The following KANSL1L variants were observed in gnomAD, a reference collection of about 807,000 sequenced individuals.
The protein encoded by KANSL1L is KAT8 regulatory NSL complex subunit 1-like protein.
Under a neutral mutation model 108.6 loss-of-function variants are expected in KANSL1L, and 25 were observed. The ratio of observed to expected loss-of-function variants is 0.23; its 90% CI spans 0.17 to 0.32. KANSL1L has a LOEUF of 0.32. Ranked by LOEUF, KANSL1L falls within the 10% of genes least tolerant of loss-of-function variation. KANSL1L has a pLI of 1.00. For synonymous variants in KANSL1L, 405 were observed against 395.1 expected, an observed-to-expected ratio of 1.03 and a Z score of -0.30; for missense variants, 1,137 against 1,125.7, an observed-to-expected ratio of 1.01 and a Z score of -0.14.
intron 1 of KANSL1L, among the ~76,000 whole-genome samples, chr2:210,164,223 T>C (rs1428482348): frequency 1.3e-5 from 2 of 152,208 alleles, no homozygotes; most frequent in African/African-American, 2.4e-5. Context: ...CCAAGTCTTG[T>C]AACCAGGGAT....
chr2:210,028,747 G>A (rs995154010), intron 11 of KANSL1L, 98 bp downstream of exon 11: 13 of 896,368 alleles, frequency 1.5e-5, no homozygotes, highest in Non-Finnish European at 1.7e-5. Flanking sequence ...GGAACTGGGA[G>A]AAGGATGCTC....
intron 8 of KANSL1L, among the ~76,000 whole-genome samples, chr2:210,039,794 A>T (rs921771705): frequency 1.3e-4 from 19 of 151,856 alleles, no homozygotes; most frequent in African/African-American, 4.6e-4. Context: ...GAGTATGTAA[A>T]AGAATTTTAC....
chr2:210,098,217 AAC>A lies in KANSL1L; in HGVS notation c.1429-12_1429-11del. ...CAGTCAACTGTGCACTCTGCAAGGA[AAC>A]AGTCAACCTTTTACTACTGCTAAGC... On this transcript the variant is annotated splice_polypyrimidine_tract_variant and intron_variant, in intron 4 of 14. Coordinates refer to ENST00000281772, the MANE Select transcript of KANSL1L (RefSeq NM_152519.4). 6.2e-7 allele frequency: 1 copy of A among 1,607,260 alleles called. No homozygotes were observed. Among genetic ancestry groups the A allele is most frequent in the Non-Finnish European group, 8.5e-7 (1 of 1,177,118 alleles).
rs188132066 is a variant in KANSL1L at position 210,109,305 on chromosome 2, A to G, written c.1231-5004T>C. Among the ~76,000 whole-genome samples, 457 of 152,238 alleles carry G rather than the reference A, an allele frequency of 3.0e-3. 2 individuals are homozygous for G. Among genetic ancestry groups the G allele is most frequent in the Non-Finnish European group, 5.3e-3 (358 of 68,012 alleles). On this transcript the variant is annotated intron_variant, in intron 3 of 14. Transcript: ENST00000281772. ...GATAGATAGAGCCTAAAATTTATTA[A>G]TCTTTGTGGATGTGCAGACCCCTAG...
chr2:210,103,375 C>T (rs909629135), intron 4 of KANSL1L, among the ~76,000 whole-genome samples: 12 of 151,998 alleles, frequency 7.9e-5, no homozygotes, highest in Admixed American at 2.0e-4. Flanking sequence ...ATGTAAATGA[C>T]GAGTTAATGG....
At chr2:210,041,331 C>T (rs114333810) in intron 7 of KANSL1L, among the ~76,000 whole-genome samples, 2,518 of 152,188 alleles carry the variant, frequency 0.017, 75 homozygotes, top group African/African-American at 0.058. Flanking sequence ...TTTTATAAAG[C>T]AGTTGATAAT....
intron 6 of KANSL1L, among the ~76,000 whole-genome samples, chr2:210,050,254 G>T (rs753219070): frequency 6.6e-6 from 1 of 151,880 alleles, no homozygotes; most frequent in Non-Finnish European, 1.5e-5. Context: ...CATAAGAAAA[G>T]AACAAAAAAC....
intron 1 of KANSL1L, among the ~76,000 whole-genome samples, chr2:210,160,446 T>C (rs866931861): frequency 1.3e-5 from 2 of 152,320 alleles, no homozygotes; most frequent in Non-Finnish European, 2.9e-5. Flanking sequence ...TCCCAAGGGA[T>C]TGAACTCCTC....
chr2:210,075,810 C>T (rs574837218), intron 5 of KANSL1L, 54 bp from the exon 6 acceptor site: 4 of 1,338,032 alleles, frequency 3.0e-6, no homozygotes, highest in East Asian at 4.7e-5. Context: ...CAAAACAAAA[C>T]AAACAAAAAA....
intron 6 of KANSL1L, among the ~76,000 whole-genome samples, chr2:210,065,200 G>A (rs1267188557): frequency 2.2e-5 from 3 of 137,414 alleles, no homozygotes; most frequent in African/African-American, 8.2e-5. Flanking sequence ...GCTGAGGCAG[G>A]AAAATCACTT....
intron 1 of KANSL1L, among the ~76,000 whole-genome samples, chr2:210,160,904 GAC>G (rs2125670237): frequency 6.6e-6 from 1 of 151,376 alleles, no homozygotes; most frequent in African/African-American, 2.4e-5. Flanking sequence ...TAGTAGACAA[GAC>G]AGTGTGGCAT....
chr2:210,127,230 T>C (rs960490888), intron 3 of KANSL1L, among the ~76,000 whole-genome samples: 3 of 152,060 alleles, frequency 2.0e-5, no homozygotes, highest in African/African-American at 2.4e-5. Context: ...CAGGTAAAAC[T>C]GAATATCTGA....
chr2:210,143,619 G>T (rs2095245487), intron 2 of KANSL1L, among the ~76,000 whole-genome samples: 1 of 151,728 alleles, frequency 6.6e-6, no homozygotes, highest in Non-Finnish European at 1.5e-5. Context: ...TTCATCTTTT[G>T]TATATCTACT....
chr2:210,126,644 C>T (rs1017775978), intron 3 of KANSL1L, among the ~76,000 whole-genome samples: 10 of 152,168 alleles, frequency 6.6e-5, no homozygotes, highest in East Asian at 3.9e-4. Context: ...GGCAAAATCC[C>T]GTCTCTACTA....
Position 210,025,135 on chromosome 2 carries a change from C to G in KANSL1L, c.2533G>C (p.Glu845Gln). The change falls in exon 13 of 15, where the codon GAG (glutamate) becomes CAG (glutamine). Residue 845 changes from glutamate (E) to glutamine (Q), a missense_variant. This residue lies in a region of KANSL1L where 575 missense variants were observed against 567.1 expected (regional missense o/e 1.01). Transcript: ENST00000281772. ...EREQARWSLW[E>Q]QSKWHRRNSR... Reference sequence around the variant, plus strand: ...TTTCTTCTGTGCCACTTGCTTTGCTCCCATAGTGACCACCTGGCTTGCTCT... The same window carrying G: ...TTTCTTCTGTGCCACTTGCTTTGCTGCCATAGTGACCACCTGGCTTGCTCT... 6.2e-7 allele frequency: 1 copy of G among 1,612,996 alleles called. No individual in the cohort carries two copies.
intron 6 of KANSL1L, among the ~76,000 whole-genome samples, chr2:210,045,489 A>T (rs2125201639): frequency 6.6e-6 from 1 of 152,318 alleles, no homozygotes; most frequent in African/African-American, 2.4e-5. Context: ...ACCTCACAAT[A>T]TATTGGTGTT....
At chr2:210,118,727 G>A (rs2094982753) in intron 3 of KANSL1L, among the ~76,000 whole-genome samples, 1 of 151,750 alleles carries the variant, frequency 6.6e-6, no homozygotes, top group South Asian at 2.1e-4. Context: ...TGTGCCTGTG[G>A]TCCCAGTTAC....
intron 8 of KANSL1L, among the ~76,000 whole-genome samples, chr2:210,034,475 T>C (rs112035434): frequency 3.9e-4 from 59 of 152,232 alleles, no homozygotes; most frequent in African/African-American, 1.2e-3. Flanking sequence ...GAAAGAATCA[T>C]GAGGGAGGAG....
chr2:210,093,303 A>C (rs2125392013), intron 5 of KANSL1L, among the ~76,000 whole-genome samples: 1 of 152,086 alleles, frequency 6.6e-6, no homozygotes, highest in East Asian at 1.9e-4. Flanking sequence ...GCACCATCAC[A>C]CCCAGCTAAT....
Sources: gnomAD v4.1 joint callset for allele counts (sites outside exome capture counted in the v4.1 genomes callset) on GRCh38, gnomAD v4.1.1 for gene constraint, gnomAD v4.1.1 regional missense constraint, MANE v1.5 for transcripts, NCBI Gene and HGNC (gene_info 2026-07-23, HGNC 2026-07-21) for gene names.